ARHGAP25: variants seen among roughly 807,000 people sequenced by gnomAD.
The protein encoded by ARHGAP25 is rho GTPase-activating protein 25.
Under a neutral mutation model 71.0 loss-of-function variants are expected in ARHGAP25, and 34 were observed. The observed-to-expected ratio is 0.48, with a 90% CI of 0.36 to 0.64. The LOEUF (loss-of-function observed/expected upper bound fraction) is 0.64. ARHGAP25 is among the 30% of genes least tolerant of loss of function. The pLI is 0.00. For missense variants in ARHGAP25, 706 were observed against 805.1 expected, an observed-to-expected ratio of 0.88 and a Z score of 1.49; for synonymous variants, 282 against 296.5, an observed-to-expected ratio of 0.95 and a Z score of 0.50.
intron 1 of ARHGAP25, among the ~76,000 whole-genome samples, chr2:68,745,203 C>A (rs761309088): frequency 6.6e-6 from 1 of 152,188 alleles, no homozygotes; most frequent in Non-Finnish European, 1.5e-5. Context: ...GTTCCACCTC[C>A]TTTGCAGAGC....
chr2:68,742,572 A>G (rs1675579164), intron 1 of ARHGAP25, among the ~76,000 whole-genome samples: 1 of 152,236 alleles, frequency 6.6e-6, no homozygotes, highest in African/African-American at 2.4e-5. Context: ...AAACTTTAGC[A>G]TAAGAGCTGG....
intron 4 of ARHGAP25, among the ~76,000 whole-genome samples, chr2:68,804,545 C>G (rs1021919604): frequency 3.3e-5 from 5 of 152,196 alleles, no homozygotes; most frequent in African/African-American, 1.2e-4. Context: ...TGTTTCTCAC[C>G]ATGTTTTGTG....
rs746207665 is a variant in ARHGAP25, at chr2:68,819,318, T to C, written c.1199T>C (p.Met400Thr). The change falls in exon 9 of 11, where the codon ATG (methionine) becomes ACG (threonine). Residue 400 changes from methionine to threonine, a missense_variant and splice_region_variant. Physicochemically the swap from Met to Thr is moderately conservative, Grantham distance 81. Transcript: ENST00000409202. ...RISRTDSFSS[M>T]TSDSDTTSPT... is the part of the protein sequence containing the mutation. ...TCTAGGACAGACAGCTTCAGTAGCATGGTAAGGTGCAGAGAACCTTCCTGC... is the reference window on the plus strand; with the variant it reads ...TCTAGGACAGACAGCTTCAGTAGCACGGTAAGGTGCAGAGAACCTTCCTGC... The C allele has an allele frequency of 2.5e-6, 4 of 1,614,014 alleles. No individual in the cohort carries two copies. In the African/African-American group the frequency reaches 5.3e-5, roughly 22 times the overall value.
intron 2 of ARHGAP25, among the ~76,000 whole-genome samples, chr2:68,722,758 C>T (rs761069770): frequency 6.6e-6 from 1 of 152,138 alleles, no homozygotes; most frequent in Non-Finnish European, 1.5e-5. Flanking sequence ...GCTCAGGCTC[C>T]TGAACCTCCC....
chr2:68,762,267 A>G (rs1468630069), intron 1 of ARHGAP25, among the ~76,000 whole-genome samples: 1 of 152,190 alleles, frequency 6.6e-6, no homozygotes, highest in Admixed American at 6.5e-5. Flanking sequence ...ATGGGTACAG[A>G]ATTTCAGTTT....
At chr2:68,738,872 C>CA (rs1675361947) in intron 1 of ARHGAP25, among the ~76,000 whole-genome samples, 1 of 150,630 alleles carries the variant, frequency 6.6e-6, no homozygotes, top group African/African-American at 2.4e-5. Flanking sequence ...AGACAGTGAA[C>CA]AGCTACACAA....
chr2:68,735,055 C>A lies in ARHGAP25; in HGVS notation c.-145C>A. On this transcript the variant is annotated 5_prime_UTR_variant, in exon 1 of 11. Transcript: ENST00000409202. ...GGAGGAGACACGTTGGCAAATCAGC[C>A]TCAAGCCTAAGATTGCTTGTGAAGC... The A allele has an allele frequency of 1.3e-6, 1 of 745,082 alleles. No homozygotes were observed. The allele number at this position is 745,082 out of a possible 1,614,324, so 46.2% of individuals were successfully genotyped here. A position where few individuals can be genotyped will look rare whatever the true frequency, so the allele number is the denominator to read the frequency against.
intron 4 of ARHGAP25, among the ~76,000 whole-genome samples, chr2:68,804,897 A>C (rs1680253744): frequency 6.6e-6 from 1 of 152,244 alleles, no homozygotes; most frequent in African/African-American, 2.4e-5. Flanking sequence ...GGATGAAAAC[A>C]GCCTTTCCTC....
At chr2:68,808,429 C>T (rs939058) in intron 5 of ARHGAP25, among the ~76,000 whole-genome samples, 45,708 of 152,038 alleles carry the variant, frequency 0.3, 7,153 homozygotes, top group East Asian at 0.45. Context: ...TAATCACCAA[C>T]GCCGCCCATT....
intron 1 of ARHGAP25, among the ~76,000 whole-genome samples, chr2:68,768,538 C>A (rs1458372668): frequency 6.6e-6 from 1 of 152,172 alleles, no homozygotes; most frequent in Admixed American, 6.5e-5. Context: ...GAAAACAGCA[C>A]CCTTTTCTGT....
intron 6 of ARHGAP25, 60 bp downstream of exon 6, chr2:68,813,479 T>A: frequency 6.4e-7 from 1 of 1,568,386 alleles, no homozygotes; most frequent in Non-Finnish European, 8.7e-7. Flanking sequence ...TTCTGGACAC[T>A]AATCCAGTAG....
intron 2 of ARHGAP25, among the ~76,000 whole-genome samples, chr2:68,726,597 ATTTTTTGGCTATGGGACAATT>A (rs1674890788): frequency 6.6e-6 from 1 of 152,204 alleles, no homozygotes; most frequent in Non-Finnish European, 1.5e-5. Context: ...CCAGATATAA[ATTTTTTGGCTATGGGACAATT>A]TTTTTTGGCT....
intron 2 of ARHGAP25, among the ~76,000 whole-genome samples, chr2:68,711,858 T>A (rs1231949667): frequency 6.6e-6 from 1 of 152,242 alleles, no homozygotes; most frequent in Non-Finnish European, 1.5e-5. Flanking sequence ...TCATCCTTTT[T>A]TACGGATGAA....
chr2:68,718,220 C>G (rs1003734706), intron 2 of ARHGAP25, among the ~76,000 whole-genome samples: 1 of 152,076 alleles, frequency 6.6e-6, no homozygotes, highest in African/African-American at 2.4e-5. Context: ...CCTGGCTACT[C>G]AAAGTCTGAT....
chr2:68,772,887 C>A (rs1441939997), intron 1 of ARHGAP25, among the ~76,000 whole-genome samples: 2 of 152,236 alleles, frequency 1.3e-5, no homozygotes, highest in Admixed American at 6.5e-5. Context: ...CCTTTGTAAG[C>A]AAGCTACCAA....
intron 1 of ARHGAP25, among the ~76,000 whole-genome samples, chr2:68,753,314 G>A (rs1293025481): frequency 6.6e-6 from 1 of 152,182 alleles, no homozygotes; most frequent in Non-Finnish European, 1.5e-5. Flanking sequence ...GAACATTAGT[G>A]GGTTTTCTGC....
chr2:68,825,928 G>A (rs997296151), intron 10 of ARHGAP25, 59 bp from the exon 11 acceptor site: 2 of 1,453,250 alleles, frequency 1.4e-6, no homozygotes, highest in African/African-American at 2.8e-5. Context: ...GAGCAAGGGG[G>A]AAGGAAGAGT....
At position 68,819,288 on chromosome 2, in the gene ARHGAP25, G is replaced by A. The variant is rs367906670; in HGVS notation, c.1169G>A (p.Arg390Gln). 1.2e-4 allele frequency: 186 copies of A among 1,614,006 alleles called. 2 individuals carry two copies. The South Asian group carries it at 1.8e-3, about 16-fold the overall frequency. Residue 390 changes from arginine (R) to glutamine (Q), a missense_variant, in exon 9 of 11, where the codon CGA (arginine) becomes CAA (glutamine). Transcript: ENST00000409202. ...SVGWDATEDL[R>Q]ISRTDSFSSM... ...GGCTGGGATGCCACTGAAGACCTCC[G>A]AATTTCTAGGACAGACAGCTTCAGT...
chr2:68,798,610 T>G (rs1679744167), intron 4 of ARHGAP25, among the ~76,000 whole-genome samples: 1 of 151,906 alleles, frequency 6.6e-6, no homozygotes, highest in Admixed American at 6.6e-5. Flanking sequence ...GAAAACATAG[T>G]TACAACTGTG....
Sources: allele counts gnomAD v4.1 joint callset (sites outside exome capture counted in the v4.1 genomes callset), GRCh38; gene constraint gnomAD v4.1.1; transcripts MANE v1.5; gene names NCBI Gene and HGNC (gene_info 2026-07-23, HGNC 2026-07-21).